ROR1: variants seen among roughly 807,000 people sequenced by gnomAD.
ROR1 encodes ROR family WNT receptor 1, also known as inactive tyrosine-protein kinase transmembrane receptor ROR1.
ROR1 carries 19 observed loss-of-function variants against 78.8 expected under a neutral mutation model. The observed-to-expected ratio is 0.24, with a 90% confidence interval of 0.17 to 0.35. The LOEUF (loss-of-function observed/expected upper bound fraction) is 0.35, where lower values mean the gene tolerates loss of function less well. Among genes scored for constraint, ROR1 ranks in the 10% least tolerant of loss-of-function variants. The pLI, the probability that ROR1 is intolerant of heterozygous loss-of-function variation, is 1.00. For synonymous variants in ROR1, 386 were observed against 433.6 expected (o/e 0.89, Z 1.36); for missense variants, 917 against 1,177.8 (o/e 0.78, Z 3.24).
chr1:63,825,923 A>G (rs1389657066), intron 1 of ROR1, among the ~76,000 whole-genome samples: 1 of 152,164 alleles, frequency 6.6e-6, no homozygotes, highest in East Asian at 1.9e-4. Context: ...TCCTGCCTCC[A>G]GCTGGGTGGA....
chr1:64,026,128 G>A (rs1460728089), intron 2 of ROR1, among the ~76,000 whole-genome samples: 1 of 152,010 alleles, frequency 6.6e-6, no homozygotes. Flanking sequence ...CCTTTCTTAT[G>A]TTGAGCCAAC....
At chr1:64,108,718 A>G (rs1329848867) in intron 4 of ROR1, among the ~76,000 whole-genome samples, 1 of 152,130 alleles carries the variant, frequency 6.6e-6, no homozygotes, top group Admixed American at 6.6e-5. Flanking sequence ...TTCAGCAATG[A>G]CAGTCTAAAA....
chr1:64,137,271 G>GCCC, intron 4 of ROR1, 98 bp from the exon 5 acceptor site: 1 of 1,286,456 alleles, frequency 7.8e-7, no homozygotes, highest in Non-Finnish European at 1.1e-6. Context: ...GCCCAACTGT[G>GCCC]CCCCCTAGTG....
intron 1 of ROR1, among the ~76,000 whole-genome samples, chr1:63,893,708 A>G (rs1645417697): frequency 6.6e-6 from 1 of 152,144 alleles, no homozygotes; most frequent in Admixed American, 6.6e-5. Context: ...AATGGTATCA[A>G]AAGTATCGGT....
chr1:63,810,302 C>T (rs1644853607), intron 1 of ROR1, among the ~76,000 whole-genome samples: 1 of 152,180 alleles, frequency 6.6e-6, no homozygotes, highest in Non-Finnish European at 1.5e-5. Context: ...CTAAGGCATT[C>T]TCTTTCCTCT....
At chr1:64,056,885 G>T (rs1646879897) in intron 4 of ROR1, among the ~76,000 whole-genome samples, 1 of 151,912 alleles carries the variant, frequency 6.6e-6, no homozygotes, top group Non-Finnish European at 1.5e-5. Context: ...TTATTCTTGA[G>T]GTGTAAGAGT....
chr1:63,832,431 T>G (rs1644994082), intron 1 of ROR1, among the ~76,000 whole-genome samples: 1 of 152,164 alleles, frequency 6.6e-6, no homozygotes, highest in African/African-American at 2.4e-5. Flanking sequence ...CTCAGGAAAC[T>G]TACAATTATG....
At chr1:63,858,544 CTGACTTTTTGCT>C (rs1346674174) in intron 1 of ROR1, among the ~76,000 whole-genome samples, 1 of 152,200 alleles carries the variant, frequency 6.6e-6, no homozygotes, top group Non-Finnish European at 1.5e-5. Context: ...TTTAAAAAAT[CTGACTTTTTGCT>C]TAAAGTGTAA....
chr1:63,792,179 ACTGT>A (rs1644730925), intron 1 of ROR1, among the ~76,000 whole-genome samples: 1 of 152,026 alleles, frequency 6.6e-6, no homozygotes, highest in African/African-American at 2.4e-5. Flanking sequence ...GACCCCTGAG[ACTGT>A]CTGAGGGAGG....
chr1:64,016,117 A>G (rs961422581), intron 2 of ROR1, among the ~76,000 whole-genome samples: 5 of 152,130 alleles, frequency 3.3e-5, no homozygotes, highest in Non-Finnish European at 7.4e-5. Flanking sequence ...CAGCTCCATC[A>G]CCAGGTCAAT....
At chr1:63,980,253 G>A (rs183773615) in intron 1 of ROR1, among the ~76,000 whole-genome samples, 2 of 152,024 alleles carry the variant, frequency 1.3e-5, no homozygotes, top group African/African-American at 4.8e-5. Context: ...GGCCTGAGGG[G>A]TTCAAGGAAC....
At chr1:63,804,150 T>C (rs1237903980) in intron 1 of ROR1, among the ~76,000 whole-genome samples, 1 of 152,198 alleles carries the variant, frequency 6.6e-6, no homozygotes, top group East Asian at 1.9e-4. Context: ...GGGGGATGGC[T>C]GTGGCTGTGA....
chr1:63,914,947 G>T (rs1173248862), intron 1 of ROR1, among the ~76,000 whole-genome samples: 4 of 152,052 alleles, frequency 2.6e-5, no homozygotes, highest in Admixed American at 6.5e-5. Flanking sequence ...ACTGGCACAG[G>T]ATCATACAAG....
intron 8 of ROR1, among the ~76,000 whole-genome samples, chr1:64,167,138 TC>T (rs772837419): frequency 2.0e-5 from 3 of 152,202 alleles, no homozygotes; most frequent in Non-Finnish European, 4.4e-5. Flanking sequence ...CCAGTGCTTT[TC>T]TATTTGCCTC....
chr1:63,844,197 C>G (rs1306162574), intron 1 of ROR1, among the ~76,000 whole-genome samples: 2 of 152,120 alleles, frequency 1.3e-5, no homozygotes, highest in Non-Finnish European at 2.9e-5. Flanking sequence ...TAAACGTTGG[C>G]TGTTATGGTT....
chr1:64,110,298 A>G (rs982285170), intron 4 of ROR1, among the ~76,000 whole-genome samples: 2 of 152,146 alleles, frequency 1.3e-5, no homozygotes, highest in African/African-American at 4.8e-5. Flanking sequence ...GCATAAGTGT[A>G]TTGTAAAGTG....
At chr1:64,075,357 C>T (rs763251812) in intron 4 of ROR1, among the ~76,000 whole-genome samples, 1 of 152,130 alleles carries the variant, frequency 6.6e-6, no homozygotes, top group African/African-American at 2.4e-5. Flanking sequence ...ACCAGATCAC[C>T]ACAGTGTGAT....
rs1471058667 is a variant in ROR1, at chr1:63,874,394, A to AT, written c.91+99892dup. The stretch of plus-strand genomic sequence containing the variant: ...TGTAATTTGTGAGGATTTTGATGGC[A>AT]TTTTTTGGCAGTGGTAGTGCAGGAC... On this transcript the variant is annotated intron_variant, in intron 1 of 8. Coordinates refer to ENST00000371079, the MANE Select transcript of ROR1 (RefSeq NM_005012.4). Among the ~76,000 whole-genome samples the AT allele has an allele frequency of 2.3e-4, 35 of 152,052 alleles. No homozygotes were observed. The Middle Eastern group carries it at 0.01, about 44-fold the overall frequency.
intron 4 of ROR1, among the ~76,000 whole-genome samples, chr1:64,133,143 C>G (rs1648980612): frequency 6.6e-6 from 1 of 152,030 alleles, no homozygotes; most frequent in Non-Finnish European, 1.5e-5. Flanking sequence ...GCATTTGGGT[C>G]TGAAAGATGA....
Sources: allele counts gnomAD v4.1 joint callset (sites outside exome capture counted in the v4.1 genomes callset), GRCh38; gene constraint gnomAD v4.1.1; transcripts MANE v1.5; gene names NCBI Gene and HGNC (gene_info 2026-07-23, HGNC 2026-07-21).